TENM2: variants seen among roughly 807,000 people sequenced by gnomAD.
TENM2 encodes teneurin-2.
A neutral mutation model predicts 245.2 loss-of-function variants in TENM2; 52 were observed. The observed-to-expected ratio is 0.21, with a 90% CI of 0.17 to 0.27. The LOEUF (loss-of-function observed/expected upper bound fraction) is 0.27, where lower values mean the gene tolerates loss of function less well. TENM2 is among the 10% of genes least tolerant of loss of function. The probability of loss-of-function intolerance (pLI) is 1.00; values close to 1 mark genes in which losing one functional copy is unlikely to be tolerated. For synonymous variants in TENM2, 1,363 were observed against 1,438.9 expected, an observed-to-expected ratio of 0.95 and a Z score of 1.19; for missense variants, 3,046 against 3,666.8, an observed-to-expected ratio of 0.83 and a Z score of 4.37.
intron 2 of TENM2, among the ~76,000 whole-genome samples, chr5:167,674,033 G>A (rs887259677): frequency 2.0e-5 from 3 of 152,112 alleles, no homozygotes; most frequent in Non-Finnish European, 4.4e-5. Flanking sequence ...AAATTTGAAT[G>A]TTCTGTAATG....
intron 5 of TENM2, among the ~76,000 whole-genome samples, chr5:168,035,488 C>G (rs113497029): frequency 6.8e-6 from 1 of 147,778 alleles, no homozygotes; most frequent in South Asian, 2.1e-4. Context: ...CAGAGGGAGA[C>G]CCTGTCTCAA....
the TENM2 span, among the ~76,000 whole-genome samples, chr5:167,047,479 A>G: frequency 1.3e-5 from 1 of 76,460 alleles, no homozygotes; most frequent in African/African-American, 3.5e-5. Flanking sequence ...TTGCTTTCTT[A>G]ATTTATAATG....
chr5:167,811,087 C>T (rs758752522), intron 2 of TENM2, among the ~76,000 whole-genome samples: 1 of 152,078 alleles, frequency 6.6e-6, no homozygotes, highest in South Asian at 2.1e-4. Flanking sequence ...CATGATATAT[C>T]GCTGCAAGGA....
intron 1 of TENM2, chr5:167,296,200 C>T (rs1389558016): frequency 6.6e-6 from 1 of 152,208 alleles, no homozygotes; most frequent in African/African-American, 2.4e-5. Context: ...GCCAGACCCA[C>T]AAAATGTGAA....
intron 2 of TENM2, among the ~76,000 whole-genome samples, chr5:167,713,635 C>T (rs556545809): frequency 1.3e-5 from 2 of 151,840 alleles, no homozygotes; most frequent in South Asian, 2.1e-4. Flanking sequence ...CACATACATG[C>T]GCACATGCAA....
chr5:166,998,992 T>C, the TENM2 span, among the ~76,000 whole-genome samples: 1 of 150,986 alleles, frequency 6.6e-6, no homozygotes, highest in African/African-American at 2.4e-5. Context: ...ACTGCTATTA[T>C]ATTATATGCT....
chr5:167,722,812 A>T (rs2083041228), intron 2 of TENM2, among the ~76,000 whole-genome samples: 1 of 152,106 alleles, frequency 6.6e-6, no homozygotes, highest in South Asian at 2.1e-4. Flanking sequence ...AAAAAAAAAC[A>T]ACTTTTGAGC....
chr5:168,211,763 A>G lies in TENM2; in HGVS notation c.3845+9A>G. 7.4e-7 allele frequency: 1 copy of G among 1,346,874 alleles called. No individual in the cohort carries two copies. Among genetic ancestry groups the G allele is most frequent in the Non-Finnish European group, 1.0e-6 (1 of 979,956 alleles). 83.4% of individuals were successfully genotyped at this position (1,346,874 alleles called of 1,614,324 possible). On this transcript the variant is annotated intron_variant, in intron 20 of 28. Coordinates refer to ENST00000518659, the Ensembl canonical transcript of TENM2. ...AAAGAGTTTAAACATAGGTAAGATG[A>G]AGAACTCTTTCCCATATAATTTGAT...
chr5:167,615,730 G>C (rs1777750471), intron 2 of TENM2, among the ~76,000 whole-genome samples: 1 of 151,864 alleles, frequency 6.6e-6, no homozygotes, highest in Admixed American at 6.6e-5. Flanking sequence ...TTTTGCTCCA[G>C]AGTCACTCAT....
chr5:167,097,225 G>A, the TENM2 span, among the ~76,000 whole-genome samples: 2 of 152,200 alleles, frequency 1.3e-5, no homozygotes, highest in South Asian at 4.1e-4. Context: ...CGATTTGATC[G>A]AGTGCATTCT....
chr5:168,224,887 G>T (rs568910868), intron 23 of TENM2, among the ~76,000 whole-genome samples: 7 of 152,326 alleles, frequency 4.6e-5, no homozygotes, highest in Admixed American at 1.3e-4. Context: ...TGTGAGAAGG[G>T]CCCAGCTCTC....
chr5:167,684,290 C>G (rs533528761), intron 2 of TENM2, among the ~76,000 whole-genome samples: 7 of 152,292 alleles, frequency 4.6e-5, no homozygotes, highest in African/African-American at 1.7e-4. Context: ...TGTGGGTGAG[C>G]ACAGGGGTAG....
chr5:168,098,389 G>A (rs537420948), intron 9 of TENM2, among the ~76,000 whole-genome samples: 13 of 152,280 alleles, frequency 8.5e-5, no homozygotes, highest in African/African-American at 2.9e-4. Flanking sequence ...AAATGAGATG[G>A]TCGGATTTCC....
intron 2 of TENM2, among the ~76,000 whole-genome samples, chr5:167,487,070 C>A (rs569981552): frequency 6.6e-6 from 1 of 152,104 alleles, no homozygotes; most frequent in Non-Finnish European, 1.5e-5. Flanking sequence ...TTCTGATAGG[C>A]GGATCTGAAG....
chr5:168,234,880 T>C (rs1245157706), intron 25 of TENM2, among the ~76,000 whole-genome samples: 5 of 152,238 alleles, frequency 3.3e-5, no homozygotes, highest in African/African-American at 1.2e-4. Context: ...TCCATCATGA[T>C]ATTGGTATTA....
At chr5:168,115,862 A>G (rs11741618) in intron 9 of TENM2, among the ~76,000 whole-genome samples, 83,181 of 151,894 alleles carry the variant, frequency 0.55, 22,967 homozygotes, top group East Asian at 0.63. Flanking sequence ...TCGAGGCTCT[A>G]TCTGGGCTCA....
At chr5:167,914,903 G>T (rs1776814697) in intron 3 of TENM2, among the ~76,000 whole-genome samples, 1 of 152,130 alleles carries the variant, frequency 6.6e-6, no homozygotes, top group South Asian at 2.1e-4. Context: ...TGGATTACGA[G>T]TCCACTTGCT....
intron 1 of TENM2, among the ~76,000 whole-genome samples, chr5:167,358,328 A>G (rs1267880937): frequency 6.6e-6 from 1 of 152,158 alleles, no homozygotes; most frequent in Non-Finnish European, 1.5e-5. Context: ...ATAATTGTCC[A>G]TTCTCAGTTC....
intron 13 of TENM2, among the ~76,000 whole-genome samples, chr5:168,179,685 G>A (rs997994355): frequency 6.6e-6 from 1 of 152,180 alleles, no homozygotes; most frequent in African/African-American, 2.4e-5. Context: ...GTTCCAGAGT[G>A]CAGCAAACAG....
Sources: gnomAD v4.1 joint callset for allele counts (sites outside exome capture counted in the v4.1 genomes callset) on GRCh38, gnomAD v4.1.1 for gene constraint, MANE v1.5 for transcripts, NCBI Gene and HGNC (gene_info 2026-07-23, HGNC 2026-07-21) for gene names.